The following AGAP1 variants were observed in gnomAD, a reference collection of about 807,000 sequenced individuals.
AGAP1 encodes ArfGAP with GTPase domain, ankyrin repeat and PH domain 1.
Under a neutral mutation model 105.3 loss-of-function variants are expected in AGAP1, and 29 were observed. The ratio of observed to expected loss-of-function variants is 0.28; its 90% CI spans 0.21 to 0.38. AGAP1 has a LOEUF of 0.38. Ranked by LOEUF, AGAP1 falls within the 10% of genes least tolerant of loss-of-function variation. The pLI, the probability that AGAP1 is intolerant of heterozygous loss-of-function variation, is 1.00. For synonymous variants in AGAP1, 509 were observed against 485.9 expected (o/e 1.05, Z -0.63); for missense variants, 998 against 1,165.1 (o/e 0.86, Z 2.09).
intron 9 of AGAP1, among the ~76,000 whole-genome samples, chr2:235,860,363 T>C (rs186326584): frequency 1.3e-5 from 2 of 152,316 alleles, no homozygotes; most frequent in Admixed American, 1.3e-4. Context: ...AATTACCTTT[T>C]TTTTTTGCCT....
intron 14 of AGAP1, among the ~76,000 whole-genome samples, chr2:236,039,309 A>G (rs1012139198): frequency 6.6e-6 from 1 of 152,134 alleles, no homozygotes; most frequent in African/African-American, 2.4e-5. Context: ...AGCCAGGTGC[A>G]TGGTTCACAC....
rs2059469954 is a variant in AGAP1 at position 236,105,679 on chromosome 2, A to G, written c.2115-14513A>G. Among the ~76,000 whole-genome samples the G allele has an allele frequency of 6.8e-6, 1 of 146,144 alleles. No individual in the cohort carries two copies. Among genetic ancestry groups the G allele is most frequent in the Admixed American group, 7.1e-5 (1 of 14,044 alleles). On this transcript the variant is annotated intron_variant, in intron 16 of 17. Coordinates refer to ENST00000304032, the MANE Select transcript of AGAP1 (RefSeq NM_001037131.3). This position sits in a 1 kb window ranked among gnomAD's most constrained non-coding sequence, Gnocchi z 4.2. ...CACACCATTCTCCCGCGTTCACGCC[A>G]TTCTCCCGCGTTCACGCCATTCTCC...
At position 235,517,871 on chromosome 2, in the gene AGAP1, T is replaced by TG. The variant is rs1942453677; in HGVS notation, c.163+23024dup. 6.8e-6 allele frequency among the ~76,000 whole-genome samples: 1 copy of TG among 147,058 alleles called. No homozygotes were observed. Among genetic ancestry groups the TG allele is most frequent in the African/African-American group, 2.5e-5 (1 of 39,508 alleles). On this transcript the variant is annotated intron_variant, in intron 1 of 17. Coordinates refer to ENST00000304032, the MANE Select transcript of AGAP1 (RefSeq NM_001037131.3). The surrounding 1 kb of genome is among the most constrained non-coding windows in gnomAD (Gnocchi z 4.1). ...AGAATCTCTTGAACCCGGGAAGTGT[T>TG]GGAGTGAGCCAAGATTGTGCCTCTG...
At chr2:235,941,937 T>C (rs2053278733) in intron 12 of AGAP1, among the ~76,000 whole-genome samples, 1 of 152,016 alleles carries the variant, frequency 6.6e-6, no homozygotes, top group African/African-American at 2.4e-5. Flanking sequence ...AGGAAAAGCA[T>C]TCTAAAAAGG....
At position 235,864,016 on chromosome 2, in the gene AGAP1, G is replaced by T. The variant is rs1195252716; in HGVS notation, c.1051-19329G>T. Among the ~76,000 whole-genome samples the T allele has an allele frequency of 2.6e-5, 4 of 152,184 alleles. No homozygotes were observed. Among genetic ancestry groups the T allele is most frequent in the Non-Finnish European group, 5.9e-5 (4 of 68,036 alleles). ...GGAGGACTTGTAAATATTTTCCATA[G>T]ATATAAAAGTCGACTTCATAGCTTG... is the stretch of plus-strand genomic sequence containing the variant. On this transcript the variant is annotated intron_variant, in intron 9 of 17. Transcript: ENST00000304032. This position sits in a 1 kb window ranked among gnomAD's most constrained non-coding sequence, Gnocchi z 5.0.
chr2:235,688,423 C>T (rs577290143), intron 1 of AGAP1, among the ~76,000 whole-genome samples: 2 of 152,184 alleles, frequency 1.3e-5, no homozygotes, highest in South Asian at 4.1e-4. Context: ...CATGACGGTC[C>T]CCTCCACTCA....
intron 16 of AGAP1, among the ~76,000 whole-genome samples, chr2:236,077,325 T>C (rs959259434): frequency 2.1e-5 from 3 of 144,418 alleles, no homozygotes; most frequent in Non-Finnish European, 3.0e-5. Flanking sequence ...GTATGTCTCT[T>C]TTTTTTTTTT....
In AGAP1 at chr2:235,665,217, C is replaced by T. The variant is rs1948088630; in HGVS notation, c.164-43962C>T. On this transcript the variant is annotated intron_variant, in intron 1 of 17. Transcript: ENST00000304032. The surrounding 1 kb of genome is among the most constrained non-coding windows in gnomAD (Gnocchi z 5.3). ...GTCTGTGTGGTGGTGTGTTCATACA[C>T]AATAGACATCGCCAGTGTTCTGTTG... Among the ~76,000 whole-genome samples the T allele has an allele frequency of 6.6e-6, 1 of 152,162 alleles. No individual in the cohort carries two copies.
At position 235,550,936 on chromosome 2, in the gene AGAP1, A is replaced by C. The variant is rs1226943101; in HGVS notation, c.163+56087A>C. ...ACTACAGGCGTGCACCACCACACCC[A>C]GCTAATTTTTGTATTTTAGTAGAAA... On this transcript the variant is annotated intron_variant, in intron 1 of 17. Coordinates refer to ENST00000304032, the MANE Select transcript of AGAP1 (RefSeq NM_001037131.3). The surrounding 1 kb of genome is among the most constrained non-coding windows in gnomAD (Gnocchi z 4.6). Among the ~76,000 whole-genome samples, 1 of 151,822 alleles carries C rather than the reference A, an allele frequency of 6.6e-6. No homozygotes were observed. Among genetic ancestry groups the C allele is most frequent in the African/African-American group, 2.4e-5 (1 of 41,334 alleles).
At position 236,056,228 on chromosome 2, in the gene AGAP1, G is replaced by T. The variant is rs2058048699; in HGVS notation, c.2114+6947G>T. Among the ~76,000 whole-genome samples, 3 of 152,256 alleles carry T rather than the reference G, an allele frequency of 2.0e-5. No individual in the cohort carries two copies. The South Asian group carries it at 6.2e-4, about 32-fold the overall frequency. ...GCCTTTGAACCAGACAGACAGAATG[G>T]TGCTCTCGGTTTATCATGCCGCCTG... On this transcript the variant is annotated intron_variant, in intron 16 of 17. Transcript: ENST00000304032. The surrounding 1 kb of genome is among the most constrained non-coding windows in gnomAD (Gnocchi z 4.6).
chr2:235,890,704 A>G (rs1041370088), intron 10 of AGAP1, among the ~76,000 whole-genome samples: 1 of 152,170 alleles, frequency 6.6e-6, no homozygotes, highest in African/African-American at 2.4e-5. Flanking sequence ...GTTTGAAGGT[A>G]GACATTGGGA....
intron 13 of AGAP1, among the ~76,000 whole-genome samples, chr2:235,972,608 G>A (rs1468392704): frequency 6.6e-6 from 1 of 152,116 alleles, no homozygotes. Flanking sequence ...GGAAGGTGAG[G>A]GTGTCCTCAC....
chr2:235,743,775 G>A (rs1306537835), intron 4 of AGAP1, among the ~76,000 whole-genome samples: 1 of 152,208 alleles, frequency 6.6e-6, no homozygotes, highest in Non-Finnish European at 1.5e-5. Context: ...AAGCAGACGG[G>A]ATGGATTTCG....
At chr2:235,513,666 C>G (rs1942251542) in intron 1 of AGAP1, among the ~76,000 whole-genome samples, 1 of 152,032 alleles carries the variant, frequency 6.6e-6, no homozygotes, top group African/African-American at 2.4e-5. Context: ...TGGTGCCACA[C>G]TTTGGGTACT....
rs1674121873 is a variant in AGAP1, at chr2:235,960,667, A to G, written c.1484-7795A>G. Among the ~76,000 whole-genome samples, 2 of 152,208 alleles carry G rather than the reference A, an allele frequency of 1.3e-5. No individual in the cohort carries two copies. Among genetic ancestry groups the G allele is most frequent in the Non-Finnish European group, 2.9e-5 (2 of 68,024 alleles). The stretch of plus-strand genomic sequence containing the variant: ...CGTCTTTTATGGAAGGCATCAAGCA[A>G]GAAATTTGATAGGCATTCTCTTCAC... On this transcript the variant is annotated intron_variant, in intron 12 of 17. Coordinates refer to ENST00000304032, the MANE Select transcript of AGAP1 (RefSeq NM_001037131.3). This position sits in a 1 kb window ranked among gnomAD's most constrained non-coding sequence, Gnocchi z 4.9.
intron 1 of AGAP1, among the ~76,000 whole-genome samples, chr2:235,634,518 C>A (rs977805098): frequency 5.3e-5 from 8 of 152,268 alleles, no homozygotes; most frequent in African/African-American, 1.9e-4. Context: ...AAAATGGAGT[C>A]TCTCAGGCTG....
Position 235,750,372 on chromosome 2 carries a change from A to G in AGAP1, c.557A>G (p.Asn186Ser). Residue 186 changes from asparagine to serine, a missense_variant, in exon 6 of 18, where the codon AAC becomes AGC. Around this residue, in one of 3 missense-constraint regions of AGAP1, gnomAD observed 735 missense variants for 833.4 expected, o/e 0.88. Coordinates refer to ENST00000304032, the MANE Select transcript of AGAP1 (RefSeq NM_001037131.3). The surrounding 1 kb of genome is among the most constrained non-coding windows in gnomAD (Gnocchi z 5.3). Reference sequence around the variant, plus strand: ...GTTCCAGATGCCATAAGTTCTGCTAACCCGAGGGTCATCGATGACGCCAGG... The same window carrying G: ...GTTCCAGATGCCATAAGTTCTGCTAGCCCGAGGGTCATCGATGACGCCAGG... ...VGTQDAISSANPRVIDDARAR... is the reference protein window; with the variant it reads ...VGTQDAISSASPRVIDDARAR... The G allele has an allele frequency of 6.2e-7, 1 of 1,614,166 alleles. No homozygotes were observed. The highest frequency in any genetic ancestry group is 1.1e-5 in the South Asian group (1 of 91,078).
chr2:235,643,431 C>CAAAAAAAAAAAAAAAAAAAAAAAAAAAAA (rs56146940), intron 1 of AGAP1, among the ~76,000 whole-genome samples: 1 of 61,404 alleles, frequency 1.6e-5, no homozygotes, highest in African/African-American at 6.9e-5. Flanking sequence ...GACTGGGTCT[C>CAAAAAAAAAAAAAAAAAAAAAAAAAAAAA]AAAAAAAAAA....
chr2:235,934,579 G>T lies in AGAP1; in HGVS notation c.1483+3656G>T, dbSNP rs1031936508. Among the ~76,000 whole-genome samples, 2 of 152,212 alleles carry T rather than the reference G, an allele frequency of 1.3e-5. No homozygotes were observed. The highest frequency in any genetic ancestry group is 2.9e-5 in the Non-Finnish European group (2 of 68,048). ...CTCAGCCTTGGCATAAACATTCCCT[G>T]CAGGGCTTAGAAAATAATCACAGAA... On this transcript the variant is annotated intron_variant, in intron 12 of 17. Coordinates refer to ENST00000304032, the MANE Select transcript of AGAP1 (RefSeq NM_001037131.3). The surrounding 1 kb of genome is among the most constrained non-coding windows in gnomAD (Gnocchi z 4.9).
Sources: allele counts gnomAD v4.1 joint callset (sites outside exome capture counted in the v4.1 genomes callset), GRCh38; gene constraint gnomAD v4.1.1; regional missense constraint gnomAD v4.1.1; non-coding constraint Gnocchi (gnomAD v3.1); transcripts MANE v1.5; gene names NCBI Gene and HGNC (gene_info 2026-07-23, HGNC 2026-07-21).